The following GLI3 variants were observed in gnomAD, a reference collection of about 807,000 sequenced individuals.
GLI3 encodes transcription activator GLI3.
A neutral mutation model predicts 100.8 loss-of-function variants in GLI3; 20 were observed. The ratio of observed to expected loss-of-function variants is 0.20; its 90% CI spans 0.14 to 0.29. The LOEUF is 0.29. Among genes scored for constraint, GLI3 ranks in the 10% least tolerant of loss-of-function variants. GLI3 has a pLI of 1.00. For synonymous variants in GLI3, 938 were observed against 860.5 expected, an observed-to-expected ratio of 1.09 and a Z score of -1.58; for missense variants, 2,040 against 2,128.5, an observed-to-expected ratio of 0.96 and a Z score of 0.82.
chr7:42,060,004 T>G (rs967512575), intron 4 of GLI3, among the ~76,000 whole-genome samples: 8 of 152,264 alleles, frequency 5.3e-5, no homozygotes, highest in African/African-American at 1.4e-4. Flanking sequence ...TTGCAAGGTC[T>G]TGGGCTTAGG....
rs1327348274 is a variant in GLI3, at chr7:42,172,466, C to A, written c.125-23998G>T. On this transcript the variant is annotated intron_variant, in intron 2 of 14. Transcript: ENST00000395925. Reference sequence around the variant, plus strand: ...ATGAAAAAGGATAAACTTTTTTACACTAAAAAGTGTAAATGAATTAAATGA... The same window carrying A: ...ATGAAAAAGGATAAACTTTTTTACAATAAAAAGTGTAAATGAATTAAATGA... 26 of 650,228 alleles carry A rather than the reference C, an allele frequency of 4.0e-5. No individual in the cohort carries two copies. The Admixed American group carries it at 6.2e-4, about 15-fold the overall frequency. 40.3% of individuals were successfully genotyped at this position (650,228 alleles called of 1,614,324 possible). A position where few individuals can be genotyped will look rare whatever the true frequency, so the allele number is the denominator to read the frequency against.
At chr7:42,198,632 C>T (rs1787976917) in intron 2 of GLI3, among the ~76,000 whole-genome samples, 1 of 152,160 alleles carries the variant, frequency 6.6e-6, no homozygotes, top group Admixed American at 6.5e-5. Flanking sequence ...AGGCAAATGG[C>T]TGTGACCTTC....
Position 42,026,247 on chromosome 7 carries a change from C to T in GLI3, c.1194G>A (p.Thr398=), listed in dbSNP as rs148822237. The change falls in exon 8 of 15, where the codon ACG becomes ACA. Residue 398 remains threonine, a synonymous_variant. Coordinates refer to ENST00000395925, the MANE Select transcript of GLI3 (RefSeq NM_000168.6). ...AGCTGACCTGGACGGGGTTCAGAACCGTAGGGATCCCTGGAATAGGCCTCT... is the reference window on the plus strand; with the variant it reads ...AGCTGACCTGGACGGGGTTCAGAACTGTAGGGATCCCTGGAATAGGCCTCT... ...PTQRPIPGIP[T]VLNPVQVSSG... 58 of 1,613,754 alleles carry T rather than the reference C, an allele frequency of 3.6e-5. No homozygotes were observed. The highest frequency in any genetic ancestry group is 1.1e-4 in the South Asian group (10 of 90,994).
chr7:42,214,040 C>G (rs1009020331), intron 2 of GLI3, among the ~76,000 whole-genome samples: 1 of 152,206 alleles, frequency 6.6e-6, no homozygotes, highest in African/African-American at 2.4e-5. Flanking sequence ...ATAAAAGAAG[C>G]CCGTCTCCAC....
chr7:42,012,871 C>A (rs1788657741), intron 10 of GLI3, among the ~76,000 whole-genome samples: 1 of 152,166 alleles, frequency 6.6e-6, no homozygotes, highest in Non-Finnish European at 1.5e-5. Flanking sequence ...TGCAAACTCT[C>A]CCTGCCCCCA....
intron 3 of GLI3, among the ~76,000 whole-genome samples, chr7:42,135,463 A>G (rs1160966377): frequency 6.6e-6 from 1 of 152,172 alleles, no homozygotes; most frequent in Non-Finnish European, 1.5e-5. Context: ...CCCCTGAAAC[A>G]TTACTTTATA....
In GLI3 at chr7:42,001,504, C is replaced by T. The variant is rs576829440; in HGVS notation, c.1497+21964G>A. Among the ~76,000 whole-genome samples the T allele has an allele frequency of 2.5e-3, 375 of 152,134 alleles. 1 individual carries two copies. The highest frequency in any genetic ancestry group is 4.6e-3 in the Non-Finnish European group (316 of 68,004). On this transcript the variant is annotated intron_variant, in intron 10 of 14. Coordinates refer to ENST00000395925, the MANE Select transcript of GLI3 (RefSeq NM_000168.6). ...GCTTTCATTTTCACCTGATACTTGT[C>T]GACATCCTGCAGAACTAGTGTGCTG...
At chr7:42,154,422 C>T (rs1786953237) in intron 2 of GLI3, among the ~76,000 whole-genome samples, 1 of 152,202 alleles carries the variant, frequency 6.6e-6, no homozygotes, top group Non-Finnish European at 1.5e-5. Flanking sequence ...CTGTCCTGAA[C>T]AAGACACAGA....
chr7:42,113,881 A>AG (rs1235425062), intron 3 of GLI3, among the ~76,000 whole-genome samples: 2 of 152,036 alleles, frequency 1.3e-5, no homozygotes, highest in Non-Finnish European at 2.9e-5. Flanking sequence ...TCCCAGGAGG[A>AG]GGGGGGACTC....
intron 7 of GLI3, among the ~76,000 whole-genome samples, chr7:42,028,486 G>A (rs929140866): frequency 9.9e-5 from 15 of 152,168 alleles, no homozygotes; most frequent in African/African-American, 3.1e-4. Flanking sequence ...GTAGGAGGCC[G>A]GGCGCGGTGG....
In GLI3 at chr7:42,223,336, G is replaced by GA. The variant is rs11266806; in HGVS notation, c.-42-42dup. 0.31 allele frequency: 259,311 copies of GA among 831,526 alleles called. 12,811 individuals are homozygous for GA. Among genetic ancestry groups the GA allele is most frequent in the East Asian group, 0.48 (15,995 of 33,464 alleles). 51.5% of individuals were successfully genotyped at this position (831,526 alleles called of 1,614,324 possible). ...GAGCCATCAACTTTCCAAAATGGTG[G>GA]AAAAAAAAAAAAAACTTTCAAAAGT... On this transcript the variant is annotated intron_variant, in intron 1 of 14. Coordinates refer to ENST00000395925, the MANE Select transcript of GLI3 (RefSeq NM_000168.6).
At chr7:42,014,223 T>C (rs1788695120) in intron 10 of GLI3, among the ~76,000 whole-genome samples, 1 of 152,116 alleles carries the variant, frequency 6.6e-6, no homozygotes, top group Admixed American at 6.5e-5. Flanking sequence ...TAATTATCCT[T>C]ACTCCACCTG....
At chr7:42,102,615 C>A (rs1785489136) in intron 3 of GLI3, among the ~76,000 whole-genome samples, 1 of 152,232 alleles carries the variant, frequency 6.6e-6, no homozygotes, top group Admixed American at 6.5e-5. Context: ...CACTTAACTT[C>A]TTGGGCTTCA....
At chr7:42,216,198 G>A (rs781513779) in intron 2 of GLI3, among the ~76,000 whole-genome samples, 1 of 152,148 alleles carries the variant, frequency 6.6e-6, no homozygotes, top group Non-Finnish European at 1.5e-5. Context: ...GTCTCAAAGT[G>A]TTGTAATTTG....
At chr7:42,218,935 A>T (rs978419070) in intron 2 of GLI3, among the ~76,000 whole-genome samples, 4 of 152,212 alleles carry the variant, frequency 2.6e-5, no homozygotes, top group Admixed American at 6.5e-5. Flanking sequence ...AAACACTTCA[A>T]ATTGAAAAGT....
intron 3 of GLI3, among the ~76,000 whole-genome samples, chr7:42,110,845 T>TC (rs1785689275): frequency 6.6e-6 from 1 of 152,210 alleles, no homozygotes; most frequent in Non-Finnish European, 1.5e-5. Flanking sequence ...ATTCAGTGAT[T>TC]GTCTGCCCCA....
chr7:42,017,247 C>T (rs1788790347), intron 10 of GLI3, among the ~76,000 whole-genome samples: 1 of 152,180 alleles, frequency 6.6e-6, no homozygotes, highest in Admixed American at 6.5e-5. Context: ...TATTCCAGGG[C>T]ACTAACTATT....
intron 2 of GLI3, among the ~76,000 whole-genome samples, chr7:42,158,160 G>A (rs929863738): frequency 2.6e-5 from 4 of 152,214 alleles, no homozygotes; most frequent in South Asian, 2.1e-4. Context: ...TGGGAAATGC[G>A]TTAACAACAC....
chr7:41,999,266 ACAG>A (rs1788220400), intron 10 of GLI3, among the ~76,000 whole-genome samples: 1 of 152,184 alleles, frequency 6.6e-6, no homozygotes, highest in Non-Finnish European at 1.5e-5. Context: ...TGTATGCACA[ACAG>A]CAGCACTGAA....
Sources: allele counts gnomAD v4.1 joint callset (sites outside exome capture counted in the v4.1 genomes callset), GRCh38; gene constraint gnomAD v4.1.1; transcripts MANE v1.5; gene names NCBI Gene and HGNC (gene_info 2026-07-23, HGNC 2026-07-21).